Variants in ASCC3 observed in about 807,000 individuals in gnomAD.
The protein encoded by ASCC3 is activating signal cointegrator 1 complex subunit 3.
In ASCC3, 158 loss-of-function variants were observed where a neutral mutation model predicts 256.3. That is an observed-to-expected ratio of 0.62 (90% CI 0.54 to 0.70). The LOEUF is 0.70. Among genes scored for constraint, ASCC3 ranks in the 30% least tolerant of loss-of-function variants. The probability of loss-of-function intolerance (pLI) is 0.00; values close to 1 mark genes in which losing one functional copy is unlikely to be tolerated. For synonymous variants in ASCC3, 948 were observed against 883.4 expected, an observed-to-expected ratio of 1.07 and a Z score of -1.30; for missense variants, 2,259 against 2,626.0, an observed-to-expected ratio of 0.86 and a Z score of 3.05.
chr6:100,796,243 G>A (rs1165725206), intron 8 of ASCC3, among the ~76,000 whole-genome samples: 1 of 152,148 alleles, frequency 6.6e-6, no homozygotes, highest in African/African-American at 2.4e-5. Context: ...AATTGCTCAT[G>A]GCTGTGTTAA....
At chr6:100,556,252 C>T (rs1769568334) in intron 36 of ASCC3, among the ~76,000 whole-genome samples, 1 of 152,068 alleles carries the variant, frequency 6.6e-6, no homozygotes, top group African/African-American at 2.4e-5. Flanking sequence ...GAAATACATA[C>T]ACAAAAAGTT....
At chr6:100,872,302 T>C (rs1054481636) in intron 1 of ASCC3, among the ~76,000 whole-genome samples, 2 of 152,154 alleles carry the variant, frequency 1.3e-5, no homozygotes, top group Non-Finnish European at 2.9e-5. Context: ...AAGCAAGACT[T>C]CATTTTTATT....
chr6:100,744,705 T>C (rs1214466707), intron 10 of ASCC3, among the ~76,000 whole-genome samples: 1 of 152,174 alleles, frequency 6.6e-6, no homozygotes, highest in Non-Finnish European at 1.5e-5. Context: ...TAGGTAATCA[T>C]ATACACTCTG....
intron 27 of ASCC3, 90 bp downstream of exon 27, chr6:100,628,925 A>G (rs1774392004): frequency 8.4e-6 from 10 of 1,187,856 alleles, no homozygotes; most frequent in Non-Finnish European, 9.6e-6. Flanking sequence ...AGAAATATAT[A>G]TAAATATTAC....
intron 37 of ASCC3, chr6:100,531,181 T>C (rs1582397936): frequency 6.3e-6 from 4 of 639,686 alleles, no homozygotes; most frequent in Middle Eastern, 4.3e-4. Flanking sequence ...GAGACAAAAC[T>C]TTAAGGATAC....
At chr6:100,559,540 G>A (rs1769811157) in intron 36 of ASCC3, among the ~76,000 whole-genome samples, 1 of 152,066 alleles carries the variant, frequency 6.6e-6, no homozygotes, top group African/African-American at 2.4e-5. Flanking sequence ...GGAGACAATA[G>A]TCATTGGACG....
At chr6:100,783,384 T>A (rs1390179055) in intron 8 of ASCC3, among the ~76,000 whole-genome samples, 1 of 152,178 alleles carries the variant, frequency 6.6e-6, no homozygotes, top group Non-Finnish European at 1.5e-5. Flanking sequence ...CATCTAAACC[T>A]CAATGGCTTC....
chr6:100,845,403 A>C (rs1772336319), intron 4 of ASCC3, among the ~76,000 whole-genome samples: 1 of 152,194 alleles, frequency 6.6e-6, no homozygotes, highest in African/African-American at 2.4e-5. Context: ...CACCACAGTA[A>C]TAAATGAAAT....
At chr6:100,718,477 G>A (rs1779184460) in intron 11 of ASCC3, among the ~76,000 whole-genome samples, 1 of 151,902 alleles carries the variant, frequency 6.6e-6, no homozygotes, top group South Asian at 2.1e-4. Flanking sequence ...TACACATGAG[G>A]GGTGAGTGTG....
intron 25 of ASCC3, among the ~76,000 whole-genome samples, chr6:100,634,358 G>A (rs1229695951): frequency 6.6e-6 from 1 of 151,936 alleles, no homozygotes; most frequent in Non-Finnish European, 1.5e-5. Context: ...TTTCTATTCG[G>A]CTGTAATTTT....
At chr6:100,566,386 C>T (rs1044874582) in intron 36 of ASCC3, among the ~76,000 whole-genome samples, 3 of 152,222 alleles carry the variant, frequency 2.0e-5, no homozygotes, top group South Asian at 2.1e-4. Context: ...TTCTGAAATG[C>T]AAATACCCTT....
chr6:100,866,237 T>G (rs931687732), intron 2 of ASCC3, among the ~76,000 whole-genome samples: 6 of 152,220 alleles, frequency 3.9e-5, no homozygotes, highest in African/African-American at 1.4e-4. Context: ...TCCAAAGTGC[T>G]GGGATTACAG....
intron 8 of ASCC3, among the ~76,000 whole-genome samples, chr6:100,768,116 T>G (rs1781748507): frequency 6.6e-6 from 1 of 152,162 alleles, no homozygotes; most frequent in African/African-American, 2.4e-5. Flanking sequence ...TTTCATATGT[T>G]TATAAAAAAA....
chr6:100,815,446 G>T (rs986805090), intron 4 of ASCC3, among the ~76,000 whole-genome samples: 1 of 150,956 alleles, frequency 6.6e-6, no homozygotes, highest in Non-Finnish European at 1.5e-5. Flanking sequence ...CCAAAAAAGA[G>T]CTCAGATAGC....
chr6:100,661,358 C>CACACACACACACACAA (rs1562207046), intron 16 of ASCC3, among the ~76,000 whole-genome samples: 1 of 143,060 alleles, frequency 7.0e-6, no homozygotes, highest in Non-Finnish European at 1.6e-5. Context: ...CACACACACA[C>CACACACACACACACAA]AAAACAAATG....
intron 3 of ASCC3, among the ~76,000 whole-genome samples, chr6:100,849,897 C>T (rs1057128149): frequency 2.0e-5 from 3 of 151,772 alleles, no homozygotes; most frequent in Non-Finnish European, 2.9e-5. Context: ...GTCAGCAGTT[C>T]GAGAACAGCC....
chr6:100,596,604 A>G (rs1772312224), intron 34 of ASCC3, among the ~76,000 whole-genome samples: 1 of 152,014 alleles, frequency 6.6e-6, no homozygotes, highest in African/African-American at 2.4e-5. Flanking sequence ...TATGATTTTA[A>G]TTCTGCTGCT....
At chr6:100,779,846 A>C (rs1259194811) in intron 8 of ASCC3, among the ~76,000 whole-genome samples, 1 of 152,168 alleles carries the variant, frequency 6.6e-6, no homozygotes, top group Non-Finnish European at 1.5e-5. Context: ...CAAGGCTTAG[A>C]CCATAATCTT....
At chr6:100,660,346 C>T (rs954522193) in intron 16 of ASCC3, among the ~76,000 whole-genome samples, 4 of 151,514 alleles carry the variant, frequency 2.6e-5, no homozygotes, top group African/African-American at 9.7e-5. Context: ...AAGCACTGAG[C>T]AGAGTCTCTG....
Sources: gnomAD v4.1 joint callset for allele counts (sites outside exome capture counted in the v4.1 genomes callset) on GRCh38, gnomAD v4.1.1 for gene constraint, MANE v1.5 for transcripts, NCBI Gene and HGNC (gene_info 2026-07-23, HGNC 2026-07-21) for gene names.